The following DCC variants were observed in gnomAD, a reference collection of about 807,000 sequenced individuals.
DCC encodes the protein netrin receptor DCC.
A neutral mutation model predicts 172.5 loss-of-function variants in DCC; 58 were observed. The observed-to-expected ratio is 0.34, with a 90% CI of 0.27 to 0.42. The LOEUF (loss-of-function observed/expected upper bound fraction) is 0.42, where lower values mean the gene tolerates loss of function less well. Ranked by LOEUF, DCC falls within the 10% of genes least tolerant of loss-of-function variation. The probability of loss-of-function intolerance (pLI) is 1.00; values close to 1 mark genes in which losing one functional copy is unlikely to be tolerated. For synonymous variants in DCC, 709 were observed against 644.5 expected, an observed-to-expected ratio of 1.10 and a Z score of -1.52; for missense variants, 1,740 against 1,791.0, an observed-to-expected ratio of 0.97 and a Z score of 0.51.
At chr18:52,676,395 T>C (rs1343392632) in intron 1 of DCC, among the ~76,000 whole-genome samples, 2 of 152,176 alleles carry the variant, frequency 1.3e-5, no homozygotes, top group African/African-American at 4.8e-5. Flanking sequence ...TTGACAGTAA[T>C]AGCAAATCAG....
At chr18:52,668,922 T>A (rs1376180108) in intron 1 of DCC, among the ~76,000 whole-genome samples, 1 of 152,228 alleles carries the variant, frequency 6.6e-6, no homozygotes, top group Non-Finnish European at 1.5e-5. Context: ...GTTCACCCTG[T>A]CCGCTGCCTA....
At chr18:52,467,809 CT>C (rs1305034025) in intron 1 of DCC, among the ~76,000 whole-genome samples, 2 of 152,102 alleles carry the variant, frequency 1.3e-5, no homozygotes, top group Non-Finnish European at 2.9e-5. Context: ...TGATGATGAG[CT>C]TTTTTTCATA....
intron 5 of DCC, among the ~76,000 whole-genome samples, chr18:53,045,448 A>G (rs1048468512): frequency 6.6e-6 from 1 of 151,844 alleles, no homozygotes; most frequent in African/African-American, 2.4e-5. Flanking sequence ...TTAGGGTTAC[A>G]AATTATTTTG....
At chr18:53,451,538 T>C (rs2145151185) in intron 23 of DCC, among the ~76,000 whole-genome samples, 1 of 152,126 alleles carries the variant, frequency 6.6e-6, no homozygotes, top group African/African-American at 2.4e-5. Flanking sequence ...CTTCCATGAG[T>C]TTTTGGTTCT....
intron 1 of DCC, among the ~76,000 whole-genome samples, chr18:52,548,484 T>A (rs1425934970): frequency 1.3e-5 from 2 of 152,046 alleles, no homozygotes; most frequent in Non-Finnish European, 2.9e-5. Context: ...CGTTAGCATC[T>A]CAAGTAGGCA....
rs2057189743 is a variant in DCC at position 53,305,538 on chromosome 18, T to C, written c.1912-40T>C. ...TCTTTGACCCTGTCCCATTGTCCTT[T>C]CTTTCTTCAATGTTTTAATTTACAC... On this transcript the variant is annotated intron_variant, in intron 12 of 28. Coordinates refer to ENST00000442544, the MANE Select transcript of DCC (RefSeq NM_005215.4). The C allele has an allele frequency of 1.9e-6, 3 of 1,565,824 alleles. No individual in the cohort carries two copies. In the East Asian group the frequency reaches 6.7e-5, roughly 35 times the overall value.
intron 1 of DCC, among the ~76,000 whole-genome samples, chr18:52,692,747 G>A (rs1349552453): frequency 1.3e-5 from 2 of 151,996 alleles, no homozygotes; most frequent in Non-Finnish European, 2.9e-5. Context: ...CTCTTTTAGA[G>A]GCTGTTTTTA....
chr18:53,141,355 G>T (rs1434300566), intron 7 of DCC, among the ~76,000 whole-genome samples: 2 of 152,088 alleles, frequency 1.3e-5, no homozygotes, highest in Non-Finnish European at 2.9e-5. Flanking sequence ...TGAAACAAAG[G>T]GTGGACCAGA....
At chr18:53,309,469 A>C (rs952963722) in intron 13 of DCC, among the ~76,000 whole-genome samples, 48 of 152,252 alleles carry the variant, frequency 3.2e-4, no homozygotes, top group African/African-American at 1.1e-3. Flanking sequence ...CTGATCCTTC[A>C]GACATGCATG....
At chr18:53,099,747 A>G (rs1599133310) in intron 7 of DCC, among the ~76,000 whole-genome samples, 1 of 152,212 alleles carries the variant, frequency 6.6e-6, no homozygotes, top group African/African-American at 2.4e-5. Context: ...TCAGGGTCAT[A>G]GCAAGAAGAT....
chr18:52,437,622 T>G (rs1317854409), intron 1 of DCC, among the ~76,000 whole-genome samples: 1 of 152,010 alleles, frequency 6.6e-6, no homozygotes, highest in Non-Finnish European at 1.5e-5. Context: ...CTAACTAGAG[T>G]TTTATTGTTG....
intron 1 of DCC, among the ~76,000 whole-genome samples, chr18:52,632,490 G>A (rs1210167394): frequency 2.0e-5 from 3 of 152,206 alleles, no homozygotes; most frequent in Non-Finnish European, 2.9e-5. Context: ...CAAAATTTCT[G>A]TTTTGCCATT....
intron 7 of DCC, among the ~76,000 whole-genome samples, chr18:53,106,759 G>C (rs1211357588): frequency 1.3e-5 from 2 of 151,796 alleles, no homozygotes; most frequent in Non-Finnish European, 2.9e-5. Context: ...ATAGACATAG[G>C]GGAGTGTTTC....
intron 10 of DCC, among the ~76,000 whole-genome samples, chr18:53,206,779 C>T (rs1478159462): frequency 2.0e-5 from 3 of 150,164 alleles, no homozygotes; most frequent in Non-Finnish European, 4.4e-5. Context: ...AAAAATTGGC[C>T]CCAGGATATG....
rs116949609 is a variant in DCC at position 52,425,977 on chromosome 18, C to T, written c.91+85099C>T. On this transcript the variant is annotated intron_variant, in intron 1 of 28. Coordinates refer to ENST00000442544, the MANE Select transcript of DCC (RefSeq NM_005215.4). ...CTAATTCCTGATATCAAGTGTTACC[C>T]TAAACATTAGGCTCAAGATCTCACT... Among the ~76,000 whole-genome samples the T allele has an allele frequency of 4.6e-5, 7 of 152,180 alleles. No individual in the cohort carries two copies. The East Asian group carries it at 1.4e-3, about 29-fold the overall frequency.
At chr18:53,193,636 A>G (rs2055398892) in intron 9 of DCC, among the ~76,000 whole-genome samples, 2 of 152,114 alleles carry the variant, frequency 1.3e-5, no homozygotes, top group African/African-American at 4.8e-5. Flanking sequence ...CCAAGATGTA[A>G]TAGATGGGAT....
chr18:52,572,324 A>G (rs2033318745), intron 1 of DCC, among the ~76,000 whole-genome samples: 1 of 152,084 alleles, frequency 6.6e-6, no homozygotes, highest in Non-Finnish European at 1.5e-5. Flanking sequence ...AAAAATCTCT[A>G]GTCCTAAGTT....
chr18:53,289,296 G>A (rs573366435), intron 12 of DCC, among the ~76,000 whole-genome samples: 5 of 152,172 alleles, frequency 3.3e-5, no homozygotes, highest in East Asian at 1.9e-4. Flanking sequence ...GGAATCACAC[G>A]AATAGGAGAC....
chr18:53,475,323 G>T (rs1462481744), intron 25 of DCC, among the ~76,000 whole-genome samples: 1 of 152,174 alleles, frequency 6.6e-6, no homozygotes, highest in Admixed American at 6.5e-5. Context: ...CAATATAATA[G>T]GGGAAATGTT....
Sources: gnomAD v4.1 joint callset for allele counts (sites outside exome capture counted in the v4.1 genomes callset) on GRCh38, gnomAD v4.1.1 for gene constraint, MANE v1.5 for transcripts, NCBI Gene and HGNC (gene_info 2026-07-23, HGNC 2026-07-21) for gene names.